Variants in AGMO observed in about 807,000 individuals in gnomAD.
AGMO encodes glyceryl-ether monooxygenase.
In AGMO, 75 loss-of-function variants were observed where a neutral mutation model predicts 60.2. The ratio of observed to expected loss-of-function variants is 1.25; its 90% CI spans 1.03 to 1.51. The LOEUF (loss-of-function observed/expected upper bound fraction) is 1.51. Ranked by LOEUF, AGMO falls within the 40% of genes most tolerant of loss-of-function variation. The pLI, the probability that AGMO is intolerant of heterozygous loss-of-function variation, is 0.00. For missense variants in AGMO, 763 were observed against 525.5 expected, an observed-to-expected ratio of 1.45 and a Z score of -4.42; for synonymous variants, 261 against 177.1, an observed-to-expected ratio of 1.47 and a Z score of -3.76.
chr7:15,186,853 A>C, the AGMO span, among the ~76,000 whole-genome samples: 1 of 152,102 alleles, frequency 6.6e-6, no homozygotes, highest in Admixed American at 6.5e-5. Context: ...TTTCTCCCAC[A>C]CAGTGGAAAC....
chr7:15,355,230 C>A (rs1307810423), intron 12 of AGMO, among the ~76,000 whole-genome samples: 1 of 152,120 alleles, frequency 6.6e-6, no homozygotes. Flanking sequence ...TGGCTGGGCA[C>A]GGTGGCTCAC....
rs1042295383 is a variant in AGMO, at chr7:15,560,188, A to C, written c.210T>G (p.Asp70Glu). 2.5e-6 allele frequency: 4 copies of C among 1,613,170 alleles called. No homozygotes were observed. The highest frequency in any genetic ancestry group is 3.4e-6 in the Non-Finnish European group (4 of 1,179,384). ...ILKGKPPGRL[D>E]DALTSISAGV... ...CAGCTGAGATTGACGTTAAAGCATC[A>C]TCCAGGCGACCTGGTGGCTTTCCTT... Residue 70 changes from aspartate (D) to glutamate (E), a missense_variant, in exon 2 of 13, where the codon GAT (aspartate) becomes GAG (glutamate). Physicochemically the swap from Asp to Glu is conservative, Grantham distance 45. Transcript: ENST00000342526.
intron 3 of AGMO, among the ~76,000 whole-genome samples, chr7:15,543,539 G>A (rs1338031120): frequency 6.6e-6 from 1 of 152,052 alleles, no homozygotes; most frequent in Non-Finnish European, 1.5e-5. Flanking sequence ...TGGAAGTACT[G>A]CCAACAAATT....
intron 3 of AGMO, among the ~76,000 whole-genome samples, chr7:15,484,286 A>T (rs1303971260): frequency 6.6e-6 from 1 of 152,206 alleles, no homozygotes; most frequent in Non-Finnish European, 1.5e-5. Flanking sequence ...ATACTCATTG[A>T]AAATATTATA....
chr7:15,313,728 C>CAT (rs1780832924), intron 12 of AGMO, among the ~76,000 whole-genome samples: 1 of 152,030 alleles, frequency 6.6e-6, no homozygotes, highest in South Asian at 2.1e-4. Context: ...CATACCAAAC[C>CAT]ATATATATAC....
At chr7:15,168,840 G>A in the AGMO span, among the ~76,000 whole-genome samples, 576 of 152,324 alleles carry the variant, frequency 3.8e-3, 5 homozygotes, top group African/African-American at 0.013. Flanking sequence ...AATAAAGCTG[G>A]CAATTGGTGA....
At chr7:15,395,990 C>G (rs1784361334) in intron 5 of AGMO, 1 of 152,208 alleles carries the variant, frequency 6.6e-6, no homozygotes, top group African/African-American at 2.4e-5. Context: ...GGATCCTTCT[C>G]TGGGACAGGA....
intron 3 of AGMO, among the ~76,000 whole-genome samples, chr7:15,455,686 G>A (rs1209105849): frequency 1.3e-5 from 2 of 152,054 alleles, no homozygotes; most frequent in African/African-American, 4.8e-5. Flanking sequence ...TATAATTTCA[G>A]GTTGGGAATG....
At chr7:15,297,265 A>G (rs1227333395) in intron 12 of AGMO, among the ~76,000 whole-genome samples, 1 of 152,224 alleles carries the variant, frequency 6.6e-6, no homozygotes, top group Non-Finnish European at 1.5e-5. Flanking sequence ...ACAGAACTGT[A>G]AAAAATGTAG....
At chr7:15,544,713 T>G in intron 3 of AGMO, 59 bp downstream of exon 3, 2 of 1,297,362 alleles carry the variant, frequency 1.5e-6, no homozygotes, top group Non-Finnish European at 2.0e-6. Flanking sequence ...ACTGAATATG[T>G]ACTATGTACC....
At chr7:15,207,791 G>A (rs533832781) in intron 12 of AGMO, among the ~76,000 whole-genome samples, 6 of 152,240 alleles carry the variant, frequency 3.9e-5, no homozygotes, top group East Asian at 1.9e-4. Flanking sequence ...AAAATTAGCC[G>A]GGCTTGGTGG....
intron 4 of AGMO, among the ~76,000 whole-genome samples, chr7:15,423,138 T>C (rs1359367655): frequency 6.6e-6 from 1 of 152,202 alleles, no homozygotes; most frequent in Non-Finnish European, 1.5e-5. Context: ...ACATTACTAA[T>C]GTACATATTT....
chr7:15,479,867 G>A (rs535291410), intron 3 of AGMO, among the ~76,000 whole-genome samples: 15 of 152,014 alleles, frequency 9.9e-5, no homozygotes, highest in Admixed American at 2.0e-4. Context: ...GCTCAGTAAC[G>A]GCTAGAATTC....
chr7:15,321,991 G>A (rs1206992823), intron 12 of AGMO, among the ~76,000 whole-genome samples: 1 of 151,706 alleles, frequency 6.6e-6, no homozygotes, highest in Non-Finnish European at 1.5e-5. Flanking sequence ...AATAAACTAA[G>A]GAAAAGAGGT....
At chr7:15,354,429 CGTGT>C (rs1360965743) in intron 12 of AGMO, among the ~76,000 whole-genome samples, 3 of 21,692 alleles carry the variant, frequency 1.4e-4, no homozygotes, top group Admixed American at 1.0e-3. Context: ...TATACACACA[CGTGT>C]GTGTATACAC....
intron 5 of AGMO, among the ~76,000 whole-genome samples, chr7:15,412,922 G>T (rs900028382): frequency 1.3e-5 from 2 of 151,954 alleles, no homozygotes; most frequent in Admixed American, 6.6e-5. Flanking sequence ...CAACAAATCT[G>T]CCATAATGAT....
intron 12 of AGMO, among the ~76,000 whole-genome samples, chr7:15,213,206 A>G (rs1195225450): frequency 6.6e-6 from 1 of 151,888 alleles, no homozygotes; most frequent in Non-Finnish European, 1.5e-5. Context: ...TTTGAAAACC[A>G]CAATCAAAAA....
At chr7:15,326,553 C>T (rs567363781) in intron 12 of AGMO, among the ~76,000 whole-genome samples, 10 of 152,232 alleles carry the variant, frequency 6.6e-5, no homozygotes, top group South Asian at 6.2e-4. Flanking sequence ...TATTCCAGCT[C>T]CTCTTGCCTT....
Position 15,482,155 on chromosome 7 carries a change from T to TA in AGMO, c.410-51048dup, listed in dbSNP as rs372172105. Among the ~76,000 whole-genome samples the TA allele has an allele frequency of 8.2e-3, 1,234 of 150,256 alleles. 20 individuals carry two copies. Among genetic ancestry groups the TA allele is most frequent in the African/African-American group, 0.03 (1,208 of 40,920 alleles). ...GAAACAGAAAAAGAGAAAGAAGAAA[T>TA]AAAAAATTAAGAAAATAAATAAAAA... On this transcript the variant is annotated intron_variant, in intron 3 of 12. Transcript: ENST00000342526.
Sources: gnomAD v4.1 joint callset for allele counts (sites outside exome capture counted in the v4.1 genomes callset) on GRCh38, gnomAD v4.1.1 for gene constraint, MANE v1.5 for transcripts, NCBI Gene and HGNC (gene_info 2026-07-23, HGNC 2026-07-21) for gene names.